The following SHISA9 variants were observed in gnomAD, a reference collection of about 807,000 sequenced individuals.
SHISA9 encodes shisa family member 9.
Under a neutral mutation model 38.0 loss-of-function variants are expected in SHISA9, and 13 were observed. The ratio of observed to expected loss-of-function variants is 0.34; its 90% CI spans 0.22 to 0.54. SHISA9 has a LOEUF of 0.54. Among genes scored for constraint, SHISA9 ranks in the 20% least tolerant of loss-of-function variants. SHISA9 has a pLI of 0.91. For synonymous variants in SHISA9, 275 were observed against 242.0 expected, an observed-to-expected ratio of 1.14 and a Z score of -1.27; for missense variants, 538 against 575.8, an observed-to-expected ratio of 0.93 and a Z score of 0.67.
chr16:13,186,089 G>C (rs1248099671), intron 2 of SHISA9, among the ~76,000 whole-genome samples: 1 of 152,058 alleles, frequency 6.6e-6, no homozygotes, highest in East Asian at 1.9e-4. Context: ...GTGTCTCTGA[G>C]GCTTGTGACC....
rs146767620 is a variant in SHISA9 at position 13,087,311 on chromosome 16, C to T, written c.692-116083C>T. Among the ~76,000 whole-genome samples the T allele has an allele frequency of 1.3e-5, 2 of 152,132 alleles. 1 individual carries two copies. The highest frequency in any genetic ancestry group is 3.9e-4 in the East Asian group (2 of 5,178). ...ATACGTGTGCGTGTGTCTATAGTAGCATGATTTATAATCCTTTGGGTATAT... is the reference window on the plus strand; with the variant it reads ...ATACGTGTGCGTGTGTCTATAGTAGTATGATTTATAATCCTTTGGGTATAT... On this transcript the variant is annotated intron_variant, in intron 2 of 4. Transcript: ENST00000558583.
At chr16:13,454,964 C>G in the SHISA9 span, among the ~76,000 whole-genome samples, 5 of 152,102 alleles carry the variant, frequency 3.3e-5, no homozygotes, top group African/African-American at 1.2e-4. Context: ...CTATCTGTGT[C>G]CTTGGCCAAT....
At chr16:13,268,631 T>C in the SHISA9 span, among the ~76,000 whole-genome samples, 1 of 152,194 alleles carries the variant, frequency 6.6e-6, no homozygotes, top group African/African-American at 2.4e-5. Flanking sequence ...GTAGTGTTAA[T>C]GGTCTTGTTC....
At chr16:12,971,809 C>T (rs980829824) in intron 2 of SHISA9, among the ~76,000 whole-genome samples, 4 of 152,054 alleles carry the variant, frequency 2.6e-5, no homozygotes, top group Non-Finnish European at 4.4e-5. Flanking sequence ...TAATAAAGAC[C>T]TTCTTAGCTC....
At chr16:13,295,626 G>C in the SHISA9 span, among the ~76,000 whole-genome samples, 1,263 of 150,670 alleles carry the variant, frequency 8.4e-3, 16 homozygotes, top group African/African-American at 0.028. Flanking sequence ...TTTTCACCTC[G>C]GGGGGTTCAA....
chr16:13,433,332 T>A, the SHISA9 span, among the ~76,000 whole-genome samples: 4 of 151,998 alleles, frequency 2.6e-5, no homozygotes, highest in Non-Finnish European at 5.9e-5. Flanking sequence ...TCTGTAAATC[T>A]GAAGTAACCA....
chr16:12,974,716 C>T (rs1057063878), intron 2 of SHISA9, among the ~76,000 whole-genome samples: 6 of 151,926 alleles, frequency 3.9e-5, no homozygotes, highest in Non-Finnish European at 5.9e-5. Context: ...CTCCTGACCT[C>T]AGGTGATCCA....
At chr16:13,544,928 G>A in the SHISA9 span, among the ~76,000 whole-genome samples, 1 of 152,094 alleles carries the variant, frequency 6.6e-6, no homozygotes, top group African/African-American at 2.4e-5. Flanking sequence ...GGGTGACAGA[G>A]TGAGACTCCG....
At chr16:12,973,873 G>T (rs928863502) in intron 2 of SHISA9, among the ~76,000 whole-genome samples, 1 of 152,218 alleles carries the variant, frequency 6.6e-6, no homozygotes, top group Admixed American at 6.5e-5. Flanking sequence ...CTCTTCTCTT[G>T]TGTGGATATT....
the SHISA9 span, among the ~76,000 whole-genome samples, chr16:13,319,102 G>A: frequency 2.0e-5 from 3 of 152,244 alleles, no homozygotes; most frequent in Non-Finnish European, 4.4e-5. Context: ...CCGTTTTCCA[G>A]GTTCAAGTGA....
the SHISA9 span, among the ~76,000 whole-genome samples, chr16:13,252,498 C>A: frequency 3.9e-5 from 6 of 152,170 alleles, no homozygotes; most frequent in Non-Finnish European, 5.9e-5. Flanking sequence ...GAGAAACCCC[C>A]AGGACCCTTC....
At chr16:13,469,377 G>T in the SHISA9 span, among the ~76,000 whole-genome samples, 1 of 93,802 alleles carries the variant, frequency 1.1e-5, no homozygotes, top group Non-Finnish European at 2.3e-5. Flanking sequence ...AAGAAAGAAA[G>T]AAAGAAAGAA....
At chr16:13,306,455 AAGAG>A in the SHISA9 span, among the ~76,000 whole-genome samples, 1 of 152,154 alleles carries the variant, frequency 6.6e-6, no homozygotes, top group Non-Finnish European at 1.5e-5. Flanking sequence ...GGGAGAGAGA[AAGAG>A]AGAGACAGAG....
chr16:13,065,093 T>A (rs187334108), intron 2 of SHISA9, among the ~76,000 whole-genome samples: 70 of 152,324 alleles, frequency 4.6e-4, no homozygotes, highest in Admixed American at 2.0e-3. Flanking sequence ...ATCTTGCCTT[T>A]ATCTCCCCTA....
intron 2 of SHISA9, among the ~76,000 whole-genome samples, chr16:13,178,810 A>G (rs890215397): frequency 4.0e-5 from 6 of 151,400 alleles, no homozygotes; most frequent in Non-Finnish European, 5.9e-5. Flanking sequence ...AGCTTGGTCT[A>G]TTTCCAGGTC....
At chr16:13,389,917 T>C in the SHISA9 span, among the ~76,000 whole-genome samples, 1 of 152,210 alleles carries the variant, frequency 6.6e-6, no homozygotes, top group Non-Finnish European at 1.5e-5. Context: ...CAAGATCTAA[T>C]CCTGGAAATG....
intron 4 of SHISA9, among the ~76,000 whole-genome samples, chr16:13,229,905 C>T (rs893248698): frequency 6.6e-6 from 1 of 152,166 alleles, no homozygotes; most frequent in African/African-American, 2.4e-5. Flanking sequence ...AGCTCAGACA[C>T]CTGGTTCTTA....
the SHISA9 span, among the ~76,000 whole-genome samples, chr16:13,304,379 C>A: frequency 6.6e-6 from 1 of 152,332 alleles, no homozygotes; most frequent in South Asian, 2.1e-4. Flanking sequence ...CCCACCTCAG[C>A]CTCCCAAGTA....
the SHISA9 span, among the ~76,000 whole-genome samples, chr16:13,360,288 G>T: frequency 6.6e-6 from 1 of 152,316 alleles, no homozygotes; most frequent in South Asian, 2.1e-4. Flanking sequence ...TCCCACTTCA[G>T]TTCCCCACTG....
Sources: gnomAD v4.1 joint callset for allele counts (sites outside exome capture counted in the v4.1 genomes callset) on GRCh38, gnomAD v4.1.1 for gene constraint, MANE v1.5 for transcripts, NCBI Gene and HGNC (gene_info 2026-07-23, HGNC 2026-07-21) for gene names.